USH2A: variants seen among roughly 807,000 people sequenced by gnomAD.
USH2A encodes usherin.
Under a neutral mutation model 538.9 loss-of-function variants are expected in USH2A, and 443 were observed. That is an observed-to-expected ratio of 0.82 (90% CI 0.76 to 0.89). The LOEUF (loss-of-function observed/expected upper bound fraction) is 0.89. Among genes scored for constraint, USH2A ranks in the 40% least tolerant of loss-of-function variants. The pLI, the probability that USH2A is intolerant of heterozygous loss-of-function variation, is 0.00. For synonymous variants in USH2A, 2,413 were observed against 2,273.5 expected (o/e 1.06, Z -1.75); for missense variants, 6,633 against 6,324.8 (o/e 1.05, Z -1.65).
At chr1:215,645,230 C>T (rs1033484951) in intron 67 of USH2A, among the ~76,000 whole-genome samples, 22 of 151,816 alleles carry the variant, frequency 1.4e-4, no homozygotes, top group African/African-American at 4.8e-4. Context: ...GGAGGTTTGG[C>T]GAAGGTGGAG....
intron 11 of USH2A, among the ~76,000 whole-genome samples, chr1:216,286,752 A>T (rs2036894271): frequency 6.7e-6 from 1 of 149,974 alleles, no homozygotes; most frequent in African/African-American, 2.5e-5. Flanking sequence ...AATAAATAAA[A>T]ACCTATTTTT....
intron 46 of USH2A, among the ~76,000 whole-genome samples, chr1:215,842,953 G>A (rs548045358): frequency 6.6e-5 from 10 of 151,738 alleles, no homozygotes; most frequent in African/African-American, 9.7e-5. Flanking sequence ...TCCTGAACAC[G>A]TATACAGGAA....
chr1:216,087,954 C>T (rs2032187154), intron 23 of USH2A, among the ~76,000 whole-genome samples: 1 of 152,070 alleles, frequency 6.6e-6, no homozygotes, highest in Admixed American at 6.6e-5. Context: ...CCTCAAAATC[C>T]TTCAACAGTT....
chr1:215,786,592 G>C, intron 52 of USH2A, 78 bp downstream of exon 52: 1 of 1,476,194 alleles, frequency 6.8e-7, no homozygotes, highest in South Asian at 1.1e-5. Context: ...GTTGATGTCA[G>C]AGTGAAATAA....
chr1:215,874,002 G>T (rs1170434648), intron 43 of USH2A, among the ~76,000 whole-genome samples: 1 of 152,090 alleles, frequency 6.6e-6, no homozygotes, highest in Non-Finnish European at 1.5e-5. Flanking sequence ...ACGAAAAGGA[G>T]AACATGCTCA....
chr1:216,078,842 C>T (rs1334403718), intron 26 of USH2A, among the ~76,000 whole-genome samples: 2 of 152,028 alleles, frequency 1.3e-5, no homozygotes, highest in Non-Finnish European at 2.9e-5. Context: ...TTTTAACTGG[C>T]TAGTGAACTC....
At chr1:215,964,818 A>G (rs1261199802) in intron 37 of USH2A, among the ~76,000 whole-genome samples, 1 of 152,208 alleles carries the variant, frequency 6.6e-6, no homozygotes, top group African/African-American at 2.4e-5. Flanking sequence ...AGCCTAATCC[A>G]CATTCAGTAA....
chr1:216,199,712 AGGGG>A lies in USH2A; in HGVS notation c.3722_3725del (p.Ala1241ValfsTer5). 1 of 1,614,030 alleles carries A rather than the reference AGGGG, an allele frequency of 6.2e-7. No individual in the cohort carries two copies. Among genetic ancestry groups the A allele is most frequent in the Non-Finnish European group, 8.5e-7 (1 of 1,179,962 alleles). Reference sequence around the variant, plus strand: ...TCTTAGGTGGACTTAGTCTTTGGGGAGGGGCCTGGGCTGTGGTCACTGTAATGGG... The same window carrying A: ...TCTTAGGTGGACTTAGTCTTTGGGGACCTGGGCTGTGGTCACTGTAATGGG... On this transcript the variant is annotated frameshift_variant, in exon 17 of 72. Coordinates refer to ENST00000307340, the MANE Select transcript of USH2A (RefSeq NM_206933.4). LOFTEE classifies it high-confidence loss of function.
chr1:216,070,372 C>T lies in USH2A; in HGVS notation c.5858-80G>A, dbSNP rs955794470. On this transcript the variant is annotated intron_variant, in intron 29 of 71. Transcript: ENST00000307340. ...GCTCCTATTCTTCACTTTTAATGGC[C>T]GCAGTAAATCAGACTCAACCATTAG... The T allele has an allele frequency of 4.3e-5, 56 of 1,315,146 alleles. No homozygotes were observed. The Middle Eastern group carries it at 9.3e-4, about 22-fold the overall frequency. 81.5% of individuals were successfully genotyped at this position (1,315,146 alleles called of 1,614,324 possible). A position where few individuals can be genotyped will look rare whatever the true frequency, so the allele number is the denominator to read the frequency against.
intron 3 of USH2A, among the ~76,000 whole-genome samples, chr1:216,414,932 A>C (rs772715797): frequency 2.0e-5 from 3 of 152,304 alleles, no homozygotes; most frequent in African/African-American, 7.2e-5. Flanking sequence ...TTATATAATC[A>C]TGCAACAGTA....
rs892468304 is a variant in USH2A at position 215,966,437 on chromosome 1, T to C, written c.6958-958A>G. Among the ~76,000 whole-genome samples, 3 of 152,194 alleles carry C rather than the reference T, an allele frequency of 2.0e-5. No individual in the cohort carries two copies. In the East Asian group the frequency reaches 5.8e-4, roughly 29 times the overall value. ...TCAACTTTATTCTTAAGGTACAAGC[T>C]CTTGCCTCCCAAGGAGGTGATCAAA... On this transcript the variant is annotated intron_variant, in intron 36 of 71. Coordinates refer to ENST00000307340, the MANE Select transcript of USH2A (RefSeq NM_206933.4).
intron 3 of USH2A, among the ~76,000 whole-genome samples, chr1:216,412,611 T>C (rs946803839): frequency 6.6e-6 from 1 of 151,952 alleles, no homozygotes; most frequent in Non-Finnish European, 1.5e-5. Flanking sequence ...CATGTAAATA[T>C]CTGAAGCATT....
intron 38 of USH2A, among the ~76,000 whole-genome samples, chr1:215,912,477 GTA>G (rs1169263958): frequency 2.9e-3 from 44 of 15,432 alleles, no homozygotes; most frequent in East Asian, 0.019. Flanking sequence ...ATATATATAC[GTA>G]TATATATATA....
intron 9 of USH2A, 117 bp from the exon 10 acceptor site, chr1:216,292,487 C>A: frequency 9.1e-7 from 1 of 1,093,814 alleles, no homozygotes; most frequent in Non-Finnish European, 1.3e-6. Flanking sequence ...TAAAAGTCAG[C>A]AATGATTTTA....
intron 3 of USH2A, among the ~76,000 whole-genome samples, chr1:216,372,958 G>A (rs1350477937): frequency 6.6e-6 from 1 of 152,138 alleles, no homozygotes; most frequent in South Asian, 2.1e-4. Flanking sequence ...TTTTCAGCAT[G>A]TTACATCCCA....
At chr1:216,011,790 G>A (rs1231316798) in intron 32 of USH2A, among the ~76,000 whole-genome samples, 2 of 151,600 alleles carry the variant, frequency 1.3e-5, no homozygotes, top group Non-Finnish European at 2.9e-5. Flanking sequence ...TCCTTCAGCT[G>A]TACTCACTCT....
intron 37 of USH2A, among the ~76,000 whole-genome samples, chr1:215,935,156 G>T (rs941551039): frequency 3.3e-5 from 5 of 151,656 alleles, no homozygotes; most frequent in Admixed American, 6.6e-5. Flanking sequence ...TTTTTTGAGG[G>T]TTTTTTTTCC....
At chr1:216,377,975 G>A (rs929097508) in intron 3 of USH2A, among the ~76,000 whole-genome samples, 1 of 151,444 alleles carries the variant, frequency 6.6e-6, no homozygotes, top group African/African-American at 2.4e-5. Context: ...GAAGGAGGGA[G>A]AGAAATTTGG....
intron 55 of USH2A, among the ~76,000 whole-genome samples, chr1:215,773,492 GTC>G (rs930672000): frequency 7.3e-4 from 61 of 83,614 alleles, no homozygotes; most frequent in Non-Finnish European, 6.7e-4. Context: ...CTGTCTCTCT[GTC>G]TCTCTCTCTC....
Sources: allele counts gnomAD v4.1 joint callset (sites outside exome capture counted in the v4.1 genomes callset), GRCh38; gene constraint gnomAD v4.1.1; transcripts MANE v1.5; gene names NCBI Gene and HGNC (gene_info 2026-07-23, HGNC 2026-07-21).